NUDT5: variants seen among roughly 807,000 people sequenced by gnomAD.
NUDT5 encodes the protein nudix hydrolase 5.
In NUDT5, 21 loss-of-function variants were observed where a neutral mutation model predicts 34.1. The ratio of observed to expected loss-of-function variants is 0.62; its 90% CI spans 0.44 to 0.89. The LOEUF (loss-of-function observed/expected upper bound fraction) is 0.89, where lower values mean the gene tolerates loss of function less well. NUDT5 is among the 40% of genes least tolerant of loss of function. The pLI is 0.00. For missense variants in NUDT5, 249 were observed against 274.8 expected, an observed-to-expected ratio of 0.91 and a Z score of 0.66; for synonymous variants, 85 against 97.6, an observed-to-expected ratio of 0.87 and a Z score of 0.76.
chr10:12,190,164 C>T (rs1025935632), intron 1 of NUDT5, among the ~76,000 whole-genome samples: 2 of 152,310 alleles, frequency 1.3e-5, no homozygotes, highest in East Asian at 3.9e-4. Context: ...GCTGGAATTA[C>T]AGGCGTGAGT....
chr10:12,192,581 C>T (rs1008447621), intron 1 of NUDT5, among the ~76,000 whole-genome samples: 8 of 152,048 alleles, frequency 5.3e-5, no homozygotes, highest in East Asian at 1.9e-4. Flanking sequence ...TGGCCGGGCT[C>T]GGTGGCTCAT....
chr10:12,194,649 C>G (rs1012072765), intron 1 of NUDT5, among the ~76,000 whole-genome samples: 1 of 152,190 alleles, frequency 6.6e-6, no homozygotes, highest in South Asian at 2.1e-4. Flanking sequence ...TGTATATATT[C>G]CTGGGGGGAA....
intron 1 of NUDT5, among the ~76,000 whole-genome samples, chr10:12,192,695 C>T (rs1716344864): frequency 6.6e-6 from 1 of 151,898 alleles, no homozygotes; most frequent in African/African-American, 2.4e-5. Context: ...GCTAAAAATA[C>T]AAAAAATTAG....
chr10:12,184,530 C>T, intron 3 of NUDT5: 1 of 1,541,616 alleles, frequency 6.5e-7, no homozygotes, highest in Non-Finnish European at 8.8e-7. Context: ...CTCTTTATTT[C>T]TTCTAATTTA....
intron 2 of NUDT5, 106 bp downstream of exon 2, chr10:12,186,123 A>G: frequency 3.2e-6 from 3 of 941,338 alleles, no homozygotes; most frequent in South Asian, 1.5e-5. Flanking sequence ...AATCTTTACA[A>G]CTGTCTTCAA....
At chr10:12,184,790 GT>G in intron 3 of NUDT5, 98 bp downstream of exon 3, 1 of 742,714 alleles carries the variant, frequency 1.3e-6, no homozygotes, top group Middle Eastern at 2.4e-4. Context: ...TTAAAACAGA[GT>G]TTACAAAAAA....
Position 12,173,939 on chromosome 10 carries a change from C to G in NUDT5, c.290-126G>C, listed in dbSNP as rs370810083. On this transcript the variant is annotated intron_variant, in intron 5 of 9. Transcript: ENST00000491614. This position sits in a 1 kb window ranked among gnomAD's most constrained non-coding sequence, Gnocchi z 4.7. ...TGGAGTGCAGTGGTGCGATCTCGGC[C>G]CACTGCAACCTCCGCCCGTCCAGGT... The G allele has an allele frequency of 4.4e-6, 3 of 683,720 alleles. No homozygotes were observed. Among genetic ancestry groups the G allele is most frequent in the Non-Finnish European group, 7.9e-6 (3 of 381,170 alleles). The allele number at this position is 683,720 out of a possible 1,614,324, so 42.4% of individuals were successfully genotyped here.
Position 12,169,523 on chromosome 10 carries a change from C to A in NUDT5, c.550+1194G>T. Reference sequence around the variant, plus strand: ...GGGCCTGTGACTCCGAGCTGCGCTGCCTCGTATTGATTGTCATGCCTTTCT... The same window carrying A: ...GGGCCTGTGACTCCGAGCTGCGCTGACTCGTATTGATTGTCATGCCTTTCT... On this transcript the variant is annotated intron_variant, in intron 9 of 9. Transcript: ENST00000491614. This position sits in a 1 kb window ranked among gnomAD's most constrained non-coding sequence, Gnocchi z 4.8. 2.0e-6 allele frequency: 1 copy of A among 504,564 alleles called. No homozygotes were observed. Among genetic ancestry groups the A allele is most frequent in the Non-Finnish European group, 3.5e-6 (1 of 285,578 alleles). 31.3% of individuals were successfully genotyped at this position (504,564 alleles called of 1,614,324 possible). A position where few individuals can be genotyped will look rare whatever the true frequency, so the allele number is the denominator to read the frequency against.
chr10:12,183,612 G>A (rs2131711563), intron 3 of NUDT5, among the ~76,000 whole-genome samples: 1 of 152,154 alleles, frequency 6.6e-6, no homozygotes, highest in South Asian at 2.1e-4. Context: ...TCATTCTGTT[G>A]TACTCCATTT....
chr10:12,189,801 C>A (rs992454921), intron 1 of NUDT5, among the ~76,000 whole-genome samples: 8 of 152,118 alleles, frequency 5.3e-5, no homozygotes, highest in African/African-American at 1.9e-4. Context: ...AAATTTTATC[C>A]ACTTCATTAG....
chr10:12,170,812 G>C lies in NUDT5; in HGVS notation c.497-42C>G. 1 of 1,613,384 alleles carries C rather than the reference G, an allele frequency of 6.2e-7. No individual in the cohort carries two copies. The highest frequency in any genetic ancestry group is 8.5e-7 in the Non-Finnish European group (1 of 1,179,396). ...CAAGTGAAAACAAAGCTAACGTCAA[G>C]AGCCTACCAAAACAACCCAAAATGT... is the stretch of plus-strand genomic sequence containing the variant. On this transcript the variant is annotated intron_variant, in intron 8 of 9. Coordinates refer to ENST00000491614, the MANE Select transcript of NUDT5 (RefSeq NM_014142.4). The surrounding 1 kb of genome is among the most constrained non-coding windows in gnomAD (Gnocchi z 4.9).
rs1413434578 is a variant in NUDT5, at chr10:12,170,241, T to G, written c.550+476A>C. The G allele has an allele frequency of 7.7e-6, 12 of 1,565,842 alleles. No homozygotes were observed. Among genetic ancestry groups the G allele is most frequent in the Non-Finnish European group, 1.1e-5 (12 of 1,137,846 alleles). ...GCCACACAGCTGGTTTGGTTTATTA[T>G]GTGAAAAGCATATCACACGGAGTAT... On this transcript the variant is annotated intron_variant, in intron 9 of 9. Coordinates refer to ENST00000491614, the MANE Select transcript of NUDT5 (RefSeq NM_014142.4). The surrounding 1 kb of genome is among the most constrained non-coding windows in gnomAD (Gnocchi z 4.9).
intron 7 of NUDT5, chr10:12,172,434 G>A (rs1334323697): frequency 1.3e-5 from 4 of 317,236 alleles, no homozygotes; most frequent in Non-Finnish European, 2.4e-5. Flanking sequence ...AAATATACAT[G>A]AAGACAGAAA....
In NUDT5 at chr10:12,169,412, C is replaced by A. The variant is rs912984774; in HGVS notation, c.550+1305G>T. 1.1e-5 allele frequency: 10 copies of A among 931,556 alleles called. No homozygotes were observed. The highest frequency in any genetic ancestry group is 3.4e-5 in the African/African-American group (2 of 59,074). The allele number at this position is 931,556 out of a possible 1,614,324, so 57.7% of individuals were successfully genotyped here. A position where few individuals can be genotyped will look rare whatever the true frequency, so the allele number is the denominator to read the frequency against. ...CTCAGAGGGAGGGGCTGTTATTGTT[C>A]CTGTTTTATGAAAAAAGCCGAGAGA... On this transcript the variant is annotated intron_variant, in intron 9 of 9. Coordinates refer to ENST00000491614, the MANE Select transcript of NUDT5 (RefSeq NM_014142.4). This position sits in a 1 kb window ranked among gnomAD's most constrained non-coding sequence, Gnocchi z 4.8.
At chr10:12,191,404 CA>C (rs1235855493) in intron 1 of NUDT5, among the ~76,000 whole-genome samples, 1 of 99,354 alleles carries the variant, frequency 1.0e-5, no homozygotes, top group Non-Finnish European at 2.0e-5. Flanking sequence ...CAAAACAAAA[CA>C]AAAAAAACCA....
intron 5 of NUDT5, among the ~76,000 whole-genome samples, chr10:12,174,135 G>C (rs1285439522): frequency 6.6e-6 from 1 of 152,000 alleles, no homozygotes; most frequent in African/African-American, 2.4e-5. Context: ...CAAAGTGCTG[G>C]GATTACAGGT....
chr10:12,185,872 TC>T (rs1255920743), intron 2 of NUDT5, among the ~76,000 whole-genome samples: 2 of 152,216 alleles, frequency 1.3e-5, no homozygotes, highest in African/African-American at 4.8e-5. Context: ...TTTTTATTGT[TC>T]TTAAACACTC....
In NUDT5 at chr10:12,173,768, T is replaced by A. The variant is rs1444534423; in HGVS notation, c.335A>T (p.Glu112Val). 3.7e-6 allele frequency: 6 copies of A among 1,614,046 alleles called. No individual in the cohort carries two copies. Among genetic ancestry groups the A allele is most frequent in the Non-Finnish European group, 4.2e-6 (5 of 1,179,948 alleles). ...TTTGTAGCCAGTTTCTTCTTCAAGC[T>A]CCCGGAGAGCAGCTGCTTCTGGGGT... ...GETPEAAALR[E>V]LEEETGYKGD... Residue 112 changes from glutamate (E) to valine (V), a missense_variant, in exon 6 of 10, where the codon GAG becomes GTG. Glu to Val is a moderately radical substitution (Grantham distance 121). Coordinates refer to ENST00000491614, the MANE Select transcript of NUDT5 (RefSeq NM_014142.4). This position sits in a 1 kb window ranked among gnomAD's most constrained non-coding sequence, Gnocchi z 4.7.
At chr10:12,195,283 T>A (rs1293978763) in intron 1 of NUDT5, among the ~76,000 whole-genome samples, 2 of 152,232 alleles carry the variant, frequency 1.3e-5, no homozygotes, top group South Asian at 2.1e-4. Flanking sequence ...ATTCGAATTC[T>A]TCCAGTCTTA....
Sources: gnomAD v4.1 joint callset for allele counts (sites outside exome capture counted in the v4.1 genomes callset) on GRCh38, gnomAD v4.1.1 for gene constraint, Gnocchi (gnomAD v3.1) non-coding constraint, MANE v1.5 for transcripts, NCBI Gene and HGNC (gene_info 2026-07-23, HGNC 2026-07-21) for gene names.